Variants in SHLD1 observed in about 807,000 individuals in gnomAD.
The protein encoded by SHLD1 is RINN1-REV7-interacting novel NHEJ regulator 3.
A neutral mutation model predicts 5.5 loss-of-function variants in SHLD1; 3 were observed. The observed-to-expected ratio is 0.54, with a 90% confidence interval of 0.25 to 1.40. SHLD1 has a LOEUF of 1.40. Ranked by LOEUF, SHLD1 falls within the 40% of genes most tolerant of loss-of-function variation. SHLD1 has a pLI of 0.15. For synonymous variants in SHLD1, 92 were observed against 94.3 expected, an observed-to-expected ratio of 0.98 and a Z score of 0.14; for missense variants, 210 against 244.4, an observed-to-expected ratio of 0.86 and a Z score of 0.94.
intron 2 of SHLD1, among the ~76,000 whole-genome samples, chr20:5,798,671 G>A (rs1160245091): frequency 1.3e-5 from 2 of 149,198 alleles, no homozygotes; most frequent in Non-Finnish European, 3.0e-5. Context: ...AGGCTGGAGT[G>A]CAGTGGCGAG....
intron 1 of SHLD1, among the ~76,000 whole-genome samples, chr20:5,769,042 A>T (rs1358643260): frequency 6.6e-6 from 1 of 151,562 alleles, no homozygotes; most frequent in Non-Finnish European, 1.5e-5. Flanking sequence ...AGTAGCTGGG[A>T]CTATAGGCAC....
At chr20:5,857,479 T>C (rs567220122) in intron 2 of SHLD1, among the ~76,000 whole-genome samples, 1 of 152,212 alleles carries the variant, frequency 6.6e-6, no homozygotes, top group African/African-American at 2.4e-5. Flanking sequence ...ACATACTCCT[T>C]CTTTCCTTAA....
At chr20:5,754,133 CAG>C (rs1983925205) in intron 1 of SHLD1, among the ~76,000 whole-genome samples, 1 of 151,896 alleles carries the variant, frequency 6.6e-6, no homozygotes, top group Admixed American at 6.6e-5. Context: ...TTTCTTGAGA[CAG>C]GGTCTTGCTC....
intron 2 of SHLD1, among the ~76,000 whole-genome samples, chr20:5,778,603 T>TAAA (rs1568498024): frequency 7.4e-5 from 8 of 107,964 alleles, no homozygotes; most frequent in African/African-American, 2.6e-4. Context: ...CAAGACCTTG[T>TAAA]CAAAAAAAAA....
intron 2 of SHLD1, among the ~76,000 whole-genome samples, chr20:5,780,792 A>C (rs1985649779): frequency 6.6e-6 from 1 of 151,992 alleles, no homozygotes; most frequent in African/African-American, 2.4e-5. Flanking sequence ...CATGGCCTCT[A>C]CCTCCATTCC....
chr20:5,765,566 T>C (rs1984782988), intron 1 of SHLD1, among the ~76,000 whole-genome samples: 1 of 151,386 alleles, frequency 6.6e-6, no homozygotes, highest in Non-Finnish European at 1.5e-5. Flanking sequence ...AAATCACCCT[T>C]AAGAGAGGAA....
intron 2 of SHLD1, among the ~76,000 whole-genome samples, chr20:5,818,284 C>G (rs2087563724): frequency 6.6e-6 from 1 of 152,046 alleles, no homozygotes; most frequent in African/African-American, 2.4e-5. Context: ...CCATGTTGGC[C>G]AGGCTGCTCT....
chr20:5,793,078 C>G (rs6053705), intron 2 of SHLD1, among the ~76,000 whole-genome samples: 9,247 of 152,240 alleles, frequency 0.061, 938 homozygotes, highest in African/African-American at 0.21. Flanking sequence ...TGTCAAAGAT[C>G]ATTTGAGCAT....
At chr20:5,852,427 T>A (rs370598815) in intron 2 of SHLD1, among the ~76,000 whole-genome samples, 8 of 150,048 alleles carry the variant, frequency 5.3e-5, no homozygotes, top group African/African-American at 2.0e-4. Context: ...CTTCCTTCCT[T>A]CCTTCCTTCC....
rs183647760 is a variant in SHLD1 at position 5,838,684 on chromosome 20, C to T, written c.179-24340C>T. Among the ~76,000 whole-genome samples, 319 of 152,296 alleles carry T rather than the reference C, an allele frequency of 2.1e-3. 4 individuals are homozygous for T. The highest frequency in any genetic ancestry group is 7.3e-3 in the African/African-American group (303 of 41,560). On this transcript the variant is annotated intron_variant, in intron 2 of 2. Coordinates refer to ENST00000303142, the MANE Select transcript of SHLD1 (RefSeq NM_152504.4). ...GCTGAGGCAGGAGAATTGTTTGAGT[C>T]TGTGAGGTGGACGTTGCAGCGAGGC...
chr20:5,837,562 G>C (rs942981739), intron 2 of SHLD1, among the ~76,000 whole-genome samples: 8 of 151,812 alleles, frequency 5.3e-5, no homozygotes, highest in Non-Finnish European at 1.0e-4. Flanking sequence ...GAGAACATGC[G>C]GTGTTTGGTT....
At chr20:5,849,323 A>G (rs771083544) in intron 2 of SHLD1, among the ~76,000 whole-genome samples, 6 of 152,200 alleles carry the variant, frequency 3.9e-5, no homozygotes, top group Non-Finnish European at 7.3e-5. Context: ...ACAGTAACCA[A>G]AAGGTTTGTA....
chr20:5,757,885 G>A (rs1164436986), intron 1 of SHLD1, among the ~76,000 whole-genome samples: 1 of 152,140 alleles, frequency 6.6e-6, no homozygotes, highest in Admixed American at 6.5e-5. Context: ...TTACAGGCAT[G>A]AGCCACCATG....
At chr20:5,845,679 G>A (rs1287020) in intron 2 of SHLD1, among the ~76,000 whole-genome samples, 33,482 of 152,012 alleles carry the variant, frequency 0.22, 3,921 homozygotes, top group East Asian at 0.28. Flanking sequence ...TTCACCCCAG[G>A]CCATGTTATC....
intron 2 of SHLD1, among the ~76,000 whole-genome samples, chr20:5,798,617 C>CT (rs35976290): frequency 0.012 from 1,646 of 136,696 alleles, 39 homozygotes; most frequent in African/African-American, 0.043. Flanking sequence ...TTTTAGTTTT[C>CT]TTTTTTTTTT....
intron 2 of SHLD1, among the ~76,000 whole-genome samples, chr20:5,804,393 T>G (rs1012726803): frequency 6.7e-6 from 1 of 148,536 alleles, no homozygotes; most frequent in African/African-American, 2.5e-5. Flanking sequence ...TAGTATAGTG[T>G]AAAAAAAAAC....
intron 2 of SHLD1, among the ~76,000 whole-genome samples, chr20:5,785,570 C>T (rs780622750): frequency 2.2e-4 from 33 of 151,976 alleles, no homozygotes; most frequent in Middle Eastern, 3.2e-3. Context: ...CCAAAGTGGG[C>T]GGATCACCTG....
At chr20:5,801,446 C>T (rs117581715) in intron 2 of SHLD1, among the ~76,000 whole-genome samples, 2,550 of 152,312 alleles carry the variant, frequency 0.017, 28 homozygotes, top group Non-Finnish European at 0.026. Context: ...TTCTCATTGG[C>T]AGTTGAATGC....
chr20:5,811,145 A>G lies in SHLD1; in HGVS notation c.178+38102A>G, dbSNP rs567494561. Among the ~76,000 whole-genome samples the G allele has an allele frequency of 2.6e-5, 4 of 152,294 alleles. No individual in the cohort carries two copies. The South Asian group carries it at 8.3e-4, about 32-fold the overall frequency. On this transcript the variant is annotated intron_variant, in intron 2 of 2. Transcript: ENST00000303142. Reference sequence around the variant, plus strand: ...TGATCCATATAGTAATCCTGCAGCCAGGCAGGAAAAGGCTTATTCTCTCCA... The same window carrying G: ...TGATCCATATAGTAATCCTGCAGCCGGGCAGGAAAAGGCTTATTCTCTCCA...
Sources: allele counts gnomAD v4.1 joint callset (sites outside exome capture counted in the v4.1 genomes callset), GRCh38; gene constraint gnomAD v4.1.1; transcripts MANE v1.5; gene names NCBI Gene and HGNC (gene_info 2026-07-23, HGNC 2026-07-21).